The following SHISAL1 variants were observed in gnomAD, a reference collection of about 807,000 sequenced individuals.
SHISAL1 encodes shisa like 1, also known as protein shisa-like-1.
In SHISAL1, 9 loss-of-function variants were observed where a neutral mutation model predicts 22.6. The ratio of observed to expected loss-of-function variants is 0.40; its 90% confidence interval spans 0.24 to 0.70. SHISAL1 has a LOEUF of 0.70. Among genes scored for constraint, SHISAL1 ranks in the 30% least tolerant of loss-of-function variants. The probability of loss-of-function intolerance (pLI) is 0.39; values close to 1 mark genes in which losing one functional copy is unlikely to be tolerated. For synonymous variants in SHISAL1, 119 were observed against 115.4 expected (o/e 1.03, Z -0.20); for missense variants, 246 against 270.6 (o/e 0.91, Z 0.64).
Position 44,246,332 on chromosome 22 carries a change from C to T in SHISAL1, c.*3353G>A, listed in dbSNP as rs2055000718. The T allele has an allele frequency of 6.6e-6, 1 of 152,182 alleles. No homozygotes were observed. Among genetic ancestry groups the T allele is most frequent in the South Asian group, 2.1e-4 (1 of 4,824 alleles). The allele number at this position is 152,182 out of a possible 1,614,324, so 9.4% of individuals were successfully genotyped here. A position where few individuals can be genotyped will look rare whatever the true frequency, so the allele number is the denominator to read the frequency against. The stretch of plus-strand genomic sequence containing the variant: ...CTGCAAACAGCCTCGAATGCAGATT[C>T]CTCTGTGGACATCTTGTCCTCTTCT... On this transcript the variant is annotated 3_prime_UTR_variant, in exon 5 of 5. Transcript: ENST00000381176.
At chr22:44,318,166 C>T in the SHISAL1 span, among the ~76,000 whole-genome samples, 212 of 152,380 alleles carry the variant, frequency 1.4e-3, no homozygotes, top group South Asian at 5.2e-3. Flanking sequence ...TCTGCAGGCC[C>T]GATGCCATGC....
chr22:44,302,424 T>A (rs189503542), intron 1 of SHISAL1, among the ~76,000 whole-genome samples: 1,994 of 144,694 alleles, frequency 0.014, 20 homozygotes, highest in South Asian at 0.048. Context: ...TAAAAAAAAA[T>A]TTTTAATGTT....
At chr22:44,305,650 T>G in intron 1 of SHISAL1, among the ~76,000 whole-genome samples, 1 of 152,234 alleles carries the variant, frequency 6.6e-6, no homozygotes, top group African/African-American at 2.4e-5. Flanking sequence ...CCCGTGGTCA[T>G]GTGGATTTGC....
rs188317045 is a variant in SHISAL1, at chr22:44,310,723, T to C, written c.-33+2028A>G. Among the ~76,000 whole-genome samples, 1 of 152,290 alleles carries C rather than the reference T, an allele frequency of 6.6e-6. No homozygotes were observed. The highest frequency in any genetic ancestry group is 1.9e-4 in the East Asian group (1 of 5,166). ...GTGTGCCCCTTGGCAAATGAAATTG[T>C]GTTTGAACTCCATGTCTACGTCTGA... On this transcript the variant is annotated intron_variant, in intron 1 of 4. Transcript: ENST00000381176. The surrounding 1 kb of genome is among the most constrained non-coding windows in gnomAD (Gnocchi z 4.0).
At chr22:44,326,496 T>C in the SHISAL1 span, among the ~76,000 whole-genome samples, 4 of 152,310 alleles carry the variant, frequency 2.6e-5, no homozygotes, top group Non-Finnish European at 2.9e-5. Context: ...TTGTCTCATT[T>C]TCCAGGGAAG....
intron 2 of SHISAL1, among the ~76,000 whole-genome samples, chr22:44,298,231 G>C (rs1178208192): frequency 6.6e-6 from 1 of 152,216 alleles, no homozygotes; most frequent in African/African-American, 2.4e-5. Flanking sequence ...GGTTATTAGA[G>C]AGCCCCAAGT....
rs992934667 is a variant in SHISAL1 at position 44,247,998 on chromosome 22, C to G, written c.*1687G>C. 2.6e-5 allele frequency: 4 copies of G among 152,230 alleles called. No homozygotes were observed. The highest frequency in any genetic ancestry group is 5.9e-5 in the Non-Finnish European group (4 of 68,128). 9.4% of individuals were successfully genotyped at this position (152,230 alleles called of 1,614,324 possible). ...ATGCTCTTTTCCTATCTTTAACGCCCATTACTGGCTCCTGTGTGTCATTCA... is the reference window on the plus strand; with the variant it reads ...ATGCTCTTTTCCTATCTTTAACGCCGATTACTGGCTCCTGTGTGTCATTCA... On this transcript the variant is annotated 3_prime_UTR_variant, in exon 5 of 5. Transcript: ENST00000381176.
intron 4 of SHISAL1, among the ~76,000 whole-genome samples, chr22:44,284,842 C>T (rs1200890745): frequency 6.7e-6 from 1 of 150,056 alleles, no homozygotes; most frequent in Non-Finnish European, 1.5e-5. Context: ...GAACATAACC[C>T]TGGGGCAGCC....
At chr22:44,281,969 C>T (rs1259374162) in intron 4 of SHISAL1, among the ~76,000 whole-genome samples, 1 of 152,248 alleles carries the variant, frequency 6.6e-6, no homozygotes, top group Non-Finnish European at 1.5e-5. Context: ...GGATTTTGCC[C>T]AGCCAGCTGG....
chr22:44,296,900 C>T lies in SHISAL1; in HGVS notation c.68-15G>A, dbSNP rs138012047. The T allele has an allele frequency of 6.9e-6, 11 of 1,605,660 alleles. No homozygotes were observed. The East Asian group carries it at 2.2e-4, about 33-fold the overall frequency. ...TGCAGACAAGACTGGAAGACAGAGT[C>T]ACCAGGCTCAGAGGGGTCCCTCACC... On this transcript the variant is annotated splice_polypyrimidine_tract_variant and intron_variant, in intron 2 of 4. Coordinates refer to ENST00000381176, the MANE Select transcript of SHISAL1 (RefSeq NM_001099294.2).
chr22:44,271,568 G>A (rs75700254), intron 4 of SHISAL1, among the ~76,000 whole-genome samples: 1,579 of 152,336 alleles, frequency 0.01, 38 homozygotes, highest in African/African-American at 0.036. Context: ...TTCTTGGAAG[G>A]AAATATTTTA....
chr22:44,266,528 ATGTGTGTGTG>A lies in SHISAL1; in HGVS notation c.*-16853_*-16844del, dbSNP rs11473448. Among the ~76,000 whole-genome samples the A allele has an allele frequency of 5.9e-3, 636 of 108,408 alleles. 8 individuals are homozygous for A. Among genetic ancestry groups the A allele is most frequent in the African/African-American group, 0.022 (592 of 26,408 alleles). 71.1% of individuals were successfully genotyped at this position (108,408 alleles called of 152,430 possible). On this transcript the variant is annotated intron_variant, in intron 4 of 4. Transcript: ENST00000381176. ...ATGTGTGTGTTGGGGGCTTTGGGGT[ATGTGTGTGTG>A]TGTGTGTGTGTGTGTGTGTGTTGGA...
At chr22:44,256,279 G>C (rs2055084439) in intron 4 of SHISAL1, among the ~76,000 whole-genome samples, 1 of 133,182 alleles carries the variant, frequency 7.5e-6, no homozygotes, top group African/African-American at 3.3e-5. Flanking sequence ...ACTCAAAGTG[G>C]AACTCACACC....
rs77404248 is a variant in SHISAL1, at chr22:44,296,013, T to C, written c.281+659A>G. Among the ~76,000 whole-genome samples, 1,415 of 152,332 alleles carry C rather than the reference T, an allele frequency of 9.3e-3. 16 individuals are homozygous for C. The highest frequency in any genetic ancestry group is 0.032 in the African/African-American group (1,349 of 41,570). On this transcript the variant is annotated intron_variant, in intron 3 of 4. Transcript: ENST00000381176. ...ATGGTGTCAATCAGTATTTGTTAAATGAATGAAGAATGAATGAAGGAACCC... is the reference window on the plus strand; with the variant it reads ...ATGGTGTCAATCAGTATTTGTTAAACGAATGAAGAATGAATGAAGGAACCC...
chr22:44,303,655 G>C (rs1230974266), intron 1 of SHISAL1, among the ~76,000 whole-genome samples: 6 of 152,200 alleles, frequency 3.9e-5, no homozygotes, highest in Non-Finnish European at 8.8e-5. Flanking sequence ...CTCTTGGTTT[G>C]AGGAGCTTTG....
rs1264208493 is a variant in SHISAL1 at position 44,247,712 on chromosome 22, T to C, written c.*1973A>G. The C allele has an allele frequency of 6.6e-6, 1 of 152,326 alleles. No individual in the cohort carries two copies. Among genetic ancestry groups the C allele is most frequent in the Non-Finnish European group, 1.5e-5 (1 of 68,110 alleles). The allele number at this position is 152,326 out of a possible 1,614,324, so 9.4% of individuals were successfully genotyped here. A position where few individuals can be genotyped will look rare whatever the true frequency, so the allele number is the denominator to read the frequency against. Reference sequence around the variant, plus strand: ...CTTCTTCATGGGGCTGTTGAGAGGATGGACAGCCAGGCAGAATGGAGGATG... The same window carrying C: ...CTTCTTCATGGGGCTGTTGAGAGGACGGACAGCCAGGCAGAATGGAGGATG... On this transcript the variant is annotated 3_prime_UTR_variant, in exon 5 of 5. Transcript: ENST00000381176.
intron 4 of SHISAL1, among the ~76,000 whole-genome samples, chr22:44,269,434 GACAC>G (rs529367782): frequency 1.3e-3 from 165 of 123,780 alleles, no homozygotes; most frequent in Non-Finnish European, 2.2e-3. Flanking sequence ...ACAGACAGAA[GACAC>G]ACACACACCA....
chr22:44,330,333 C>T, the SHISAL1 span, among the ~76,000 whole-genome samples: 7 of 152,222 alleles, frequency 4.6e-5, no homozygotes, highest in Non-Finnish European at 1.0e-4. Flanking sequence ...GGGCTGGAGG[C>T]CACCCCCAGA....
At chr22:44,324,382 T>C in the SHISAL1 span, among the ~76,000 whole-genome samples, 3 of 152,266 alleles carry the variant, frequency 2.0e-5, no homozygotes, top group Admixed American at 6.5e-5. Context: ...CATTTCCTCA[T>C]TCATTCAACA....
Sources: allele counts gnomAD v4.1 joint callset (sites outside exome capture counted in the v4.1 genomes callset), GRCh38; gene constraint gnomAD v4.1.1; non-coding constraint Gnocchi (gnomAD v3.1); transcripts MANE v1.5; gene names NCBI Gene and HGNC (gene_info 2026-07-23, HGNC 2026-07-21).